Variants in GSE1 observed in about 807,000 individuals in gnomAD.
GSE1 encodes the protein genetic suppressor element 1.
A neutral mutation model predicts 112.6 loss-of-function variants in GSE1; 32 were observed. The ratio of observed to expected loss-of-function variants is 0.28; its 90% CI spans 0.21 to 0.38. The LOEUF is 0.38. Ranked by LOEUF, GSE1 falls within the 10% of genes least tolerant of loss-of-function variation. GSE1 has a pLI of 1.00. For synonymous variants in GSE1, 1,115 were observed against 735.6 expected, an observed-to-expected ratio of 1.52 and a Z score of -8.35; for missense variants, 2,348 against 1,699.2, an observed-to-expected ratio of 1.38 and a Z score of -6.71.
At chr16:85,472,414 G>C (rs559602218) in intron 2 of GSE1, among the ~76,000 whole-genome samples, 1 of 152,098 alleles carries the variant, frequency 6.6e-6, no homozygotes, top group African/African-American at 2.4e-5. Flanking sequence ...TTCTCCTCCC[G>C]CGGCCTTCTT....
At chr16:85,448,594 C>T (rs767678840) in intron 2 of GSE1, among the ~76,000 whole-genome samples, 2 of 152,214 alleles carry the variant, frequency 1.3e-5, no homozygotes, top group Admixed American at 6.5e-5. Flanking sequence ...TGAGCAGAGC[C>T]GACCCTGTGG....
intron 2 of GSE1, among the ~76,000 whole-genome samples, chr16:85,472,318 T>C (rs11149751): frequency 0.99 from 150,038 of 152,288 alleles, 73,931 homozygotes; most frequent in East Asian, 1. Flanking sequence ...TCTGGAGGCC[T>C]GGGGGGAGGA....
chr16:85,545,452 T>C (rs2044663358), intron 2 of GSE1, among the ~76,000 whole-genome samples: 1 of 152,178 alleles, frequency 6.6e-6, no homozygotes, highest in African/African-American at 2.4e-5. Flanking sequence ...AAGAAGGGTT[T>C]CTGGGTAAAG....
At chr16:85,480,930 G>A (rs1268349592) in intron 2 of GSE1, among the ~76,000 whole-genome samples, 1 of 152,240 alleles carries the variant, frequency 6.6e-6, no homozygotes, top group Non-Finnish European at 1.5e-5. Context: ...GGTGCCCCCA[G>A]GGAGCAGCGC....
chr16:85,668,287 C>A lies in GSE1; in HGVS notation c.3278C>A (p.Pro1093Gln). The A allele has an allele frequency of 6.2e-7, 1 of 1,612,930 alleles. No individual in the cohort carries two copies. The highest frequency in any genetic ancestry group is 8.5e-7 in the Non-Finnish European group (1 of 1,179,040). Residue 1093 changes from proline (P) to glutamine (Q), a missense_variant, in exon 14 of 16, where the codon CCA becomes CAA. Physicochemically the swap from Pro to Gln is moderately conservative, Grantham distance 76 (BLOSUM62 -1). Coordinates refer to ENST00000253458, the MANE Select transcript of GSE1 (RefSeq NM_014615.5). Reference sequence around the variant, plus strand: ...CCCCCCACTGCAAGGAAGGGCCCCCCAACCCAGGAGTTGGACCGGGACTCG... The same window carrying A: ...CCCCCCACTGCAAGGAAGGGCCCCCAAACCCAGGAGTTGGACCGGGACTCG... ...QEPPTARKGP[P>Q]TQELDRDSEE...
intron 1 of GSE1, among the ~76,000 whole-genome samples, chr16:85,282,383 T>A (rs183156558): frequency 0.013 from 2,036 of 152,012 alleles, 43 homozygotes; most frequent in African/African-American, 0.046. Flanking sequence ...TGCCTCTCAC[T>A]GGGGTAGACT....
intron 2 of GSE1, among the ~76,000 whole-genome samples, chr16:85,377,857 C>T (rs1175064475): frequency 6.6e-6 from 1 of 152,198 alleles, no homozygotes; most frequent in Admixed American, 6.5e-5. Context: ...AGGGCATGGG[C>T]CCCCAATCCT....
chr16:85,277,493 G>A (rs11641040), intron 1 of GSE1, among the ~76,000 whole-genome samples: 2,848 of 152,048 alleles, frequency 0.019, 52 homozygotes, highest in Middle Eastern at 0.041. Context: ...ATGTGTATGC[G>A]AGTCACCTGG....
intron 1 of GSE1, among the ~76,000 whole-genome samples, chr16:85,605,494 C>G (rs940253558): frequency 2.0e-5 from 3 of 152,062 alleles, no homozygotes; most frequent in African/African-American, 7.3e-5. Context: ...CAGCTTCGTC[C>G]CAGGCACTGG....
intron 2 of GSE1, among the ~76,000 whole-genome samples, chr16:85,530,646 C>T (rs557755952): frequency 1.3e-5 from 2 of 152,184 alleles, no homozygotes; most frequent in Admixed American, 1.3e-4. Flanking sequence ...GGGACAGGTG[C>T]GTTCATTAAA....
At chr16:85,655,147 T>G (rs990842336) in intron 5 of GSE1, among the ~76,000 whole-genome samples, 156 bp downstream of exon 5, 1 of 152,160 alleles carries the variant, frequency 6.6e-6, no homozygotes, top group Non-Finnish European at 1.5e-5. Context: ...TGAGCCTAAA[T>G]TCAGCCCTGA....
chr16:85,284,502 A>G (rs1423934733), intron 1 of GSE1, among the ~76,000 whole-genome samples: 1 of 152,036 alleles, frequency 6.6e-6, no homozygotes, highest in Non-Finnish European at 1.5e-5. Flanking sequence ...GGCCCCCAGG[A>G]CTCTGTTATT....
chr16:85,532,122 T>C (rs1049790907), intron 2 of GSE1, among the ~76,000 whole-genome samples: 1 of 152,200 alleles, frequency 6.6e-6, no homozygotes, highest in Non-Finnish European at 1.5e-5. Context: ...GTTTGTGTAT[T>C]GGTTCTGTAT....
chr16:85,675,155 C>CT lies in GSE1; in HGVS notation c.*2618dup, dbSNP rs1224104969. ...GGGCTTAAAAATTGACATGCAATCTCTTAAGTTTTTTGTTCAGCTACTTCA... is the reference window on the plus strand; with the variant it reads ...GGGCTTAAAAATTGACATGCAATCTCTTTAAGTTTTTTGTTCAGCTACTTCA... On this transcript the variant is annotated 3_prime_UTR_variant, in exon 16 of 16. Coordinates refer to ENST00000253458, the MANE Select transcript of GSE1 (RefSeq NM_014615.5). 2 of 139,004 alleles carry CT rather than the reference C, an allele frequency of 1.4e-5. No individual in the cohort carries two copies. The highest frequency in any genetic ancestry group is 3.3e-5 in the Non-Finnish European group (2 of 61,366). 8.6% of individuals were successfully genotyped at this position (139,004 alleles called of 1,614,324 possible).
chr16:85,207,892 C>G (rs2075148434), intron 1 of GSE1: 1 of 152,312 alleles, frequency 6.6e-6, no homozygotes, highest in Non-Finnish European at 1.5e-5. Context: ...GAGACCGGCT[C>G]TGGAAAGGCA....
upstream of GSE1, chr16:85,611,554 C>T (rs2047984645): frequency 6.1e-6 from 5 of 817,504 alleles, no homozygotes; most frequent in Admixed American, 1.9e-4. Flanking sequence ...AACGGCCCGA[C>T]CCGGCCTCGC....
intron 2 of GSE1, among the ~76,000 whole-genome samples, chr16:85,519,633 AG>A (rs1198198549): frequency 4.3e-5 from 5 of 117,026 alleles, no homozygotes; most frequent in Admixed American, 8.4e-5. Flanking sequence ...CACCATCACC[AG>A]TCTCCATCAT....
intron 2 of GSE1, among the ~76,000 whole-genome samples, chr16:85,640,178 AG>A (rs1379479816): frequency 6.6e-6 from 1 of 151,944 alleles, no homozygotes; most frequent in Non-Finnish European, 1.5e-5. Flanking sequence ...CAAGAGTCTG[AG>A]CCCGTTCCCA....
intron 2 of GSE1, among the ~76,000 whole-genome samples, chr16:85,393,690 G>A (rs1185207108): frequency 6.6e-6 from 1 of 152,206 alleles, no homozygotes; most frequent in Non-Finnish European, 1.5e-5. Context: ...CCAAGGCAGG[G>A]GACCTGCACC....
Sources: gnomAD v4.1 joint callset for allele counts (sites outside exome capture counted in the v4.1 genomes callset) on GRCh38, gnomAD v4.1.1 for gene constraint, MANE v1.5 for transcripts, NCBI Gene and HGNC (gene_info 2026-07-23, HGNC 2026-07-21) for gene names.